Variants in AK9 observed in about 807,000 individuals in gnomAD.
AK9 encodes adenylate kinase domain containing 1.
AK9 carries 191 observed loss-of-function variants against 239.6 expected under a neutral mutation model. The observed-to-expected ratio is 0.80, with a 90% CI of 0.71 to 0.90. The LOEUF is 0.90. AK9 is among the 40% of genes least tolerant of loss of function. AK9 has a pLI of 0.00. For synonymous variants in AK9, 689 were observed against 721.0 expected, an observed-to-expected ratio of 0.96 and a Z score of 0.71; for missense variants, 1,995 against 2,214.7, an observed-to-expected ratio of 0.90 and a Z score of 1.99.
At chr6:109,549,657 A>ATG (rs1491473032) in intron 25 of AK9, 1 of 122,352 alleles carries the variant, frequency 8.2e-6, no homozygotes, top group African/African-American at 2.7e-5. Context: ...TTGAACTTAG[A>ATG]TATTTTCTTT....
At chr6:109,549,260 C>G (rs772718496) in intron 25 of AK9, among the ~76,000 whole-genome samples, 23 of 152,212 alleles carry the variant, frequency 1.5e-4, no homozygotes, top group Non-Finnish European at 2.5e-4. Context: ...TCAGCCCTCA[C>G]TCTCGAAACT....
intron 1 of AK9, among the ~76,000 whole-genome samples, chr6:109,679,681 C>G (rs1243807823): frequency 1.3e-5 from 2 of 152,106 alleles, no homozygotes; most frequent in Non-Finnish European, 2.9e-5. Context: ...CAGCAGGGGC[C>G]GACAGACACC....
At chr6:109,555,672 T>C (rs1165238764) in intron 24 of AK9, among the ~76,000 whole-genome samples, 2 of 152,232 alleles carry the variant, frequency 1.3e-5, no homozygotes, top group African/African-American at 4.8e-5. Context: ...AAGAACTTGT[T>C]TTATGAATCT....
intron 17 of AK9, among the ~76,000 whole-genome samples, chr6:109,609,494 T>A (rs992469065): frequency 6.6e-6 from 1 of 152,166 alleles, no homozygotes; most frequent in African/African-American, 2.4e-5. Flanking sequence ...AGATAGTAGG[T>A]ACTCATAATA....
At chr6:109,647,535 C>A (rs953731960) in intron 8 of AK9, among the ~76,000 whole-genome samples, 6 of 152,146 alleles carry the variant, frequency 3.9e-5, no homozygotes, top group Non-Finnish European at 7.3e-5. Flanking sequence ...ACAATAAGAG[C>A]TAACTATTCT....
At chr6:109,564,331 C>A (rs1236574516) in intron 22 of AK9, 51 bp from the exon 23 acceptor site, 6 of 1,422,016 alleles carry the variant, frequency 4.2e-6, no homozygotes, top group Non-Finnish European at 2.8e-6. Flanking sequence ...AATATCCTAT[C>A]TTTAGCCATA....
chr6:109,618,694 C>A (rs993305000), intron 13 of AK9, among the ~76,000 whole-genome samples: 1 of 152,086 alleles, frequency 6.6e-6, no homozygotes. Context: ...TAATCTTTCC[C>A]AAATAGAAAG....
At chr6:109,679,568 G>C (rs1402343897) in intron 1 of AK9, among the ~76,000 whole-genome samples, 3 of 152,168 alleles carry the variant, frequency 2.0e-5, no homozygotes, top group African/African-American at 7.2e-5. Flanking sequence ...GCTCTGAAGA[G>C]AGCAGGGGAT....
intron 19 of AK9, among the ~76,000 whole-genome samples, chr6:109,584,613 T>A (rs1311259293): frequency 8.5e-5 from 13 of 152,110 alleles, no homozygotes; most frequent in Admixed American, 8.5e-4. Context: ...TGTGGTCACA[T>A]TTTAAAAAGT....
At chr6:109,654,890 T>A (rs114740838) in intron 8 of AK9, among the ~76,000 whole-genome samples, 3,174 of 152,260 alleles carry the variant, frequency 0.021, 100 homozygotes, top group African/African-American at 0.073. Context: ...ACTTTAGTGG[T>A]CTTGGTCTAA....
At chr6:109,498,452 GAAC>G (rs1777286358) in intron 36 of AK9, among the ~76,000 whole-genome samples, 1 of 152,162 alleles carries the variant, frequency 6.6e-6, no homozygotes, top group South Asian at 2.1e-4. Flanking sequence ...ATAATAAAGG[GAAC>G]AACAATTCTA....
At chr6:109,643,371 T>A (rs767794813) in intron 9 of AK9, among the ~76,000 whole-genome samples, 2 of 152,198 alleles carry the variant, frequency 1.3e-5, no homozygotes, top group Non-Finnish European at 1.5e-5. Flanking sequence ...CTCTCTCCCT[T>A]AATTCCCATA....
At chr6:109,559,324 C>T (rs547653758) in intron 24 of AK9, among the ~76,000 whole-genome samples, 4 of 152,220 alleles carry the variant, frequency 2.6e-5, no homozygotes, top group South Asian at 2.1e-4. Context: ...CCTGCCACCT[C>T]GCCTGGCTAA....
At position 109,542,095 on chromosome 6, in the gene AK9, T is replaced by C. The variant is rs1782972675; in HGVS notation, c.3302A>G (p.Glu1101Gly). 6.2e-7 allele frequency: 1 copy of C among 1,609,084 alleles called. No individual in the cohort carries two copies. Among genetic ancestry groups the C allele is most frequent in the South Asian group, 1.1e-5 (1 of 90,584 alleles). The change falls in exon 27 of 41, where the codon GAA becomes GGA. Residue 1101 changes from glutamate (E) to glycine (G), a missense_variant. Physicochemically the swap from Glu to Gly is moderately conservative, Grantham distance 98 (BLOSUM62 -2). Transcript: ENST00000424296. The stretch of plus-strand genomic sequence containing the variant: ...CTCAGAAAGAATTACTTCAAGAATT[T>C]CAGGAGGCAAGGGCTCATTTTCCAT... ...SLMENEPLPPEILEVILSEWW... is the reference protein window; with the variant it reads ...SLMENEPLPPGILEVILSEWW...
chr6:109,682,820 C>A (rs1410960379), intron 1 of AK9, among the ~76,000 whole-genome samples: 1 of 152,116 alleles, frequency 6.6e-6, no homozygotes, highest in Non-Finnish European at 1.5e-5. Context: ...ACCAGAGGTA[C>A]AAAAAGGAGC....
intron 6 of AK9, among the ~76,000 whole-genome samples, chr6:109,661,771 G>A (rs1197331325): frequency 6.6e-6 from 1 of 152,152 alleles, no homozygotes; most frequent in African/African-American, 2.4e-5. Flanking sequence ...CATAAACCCT[G>A]GCCGAGTATG....
intron 10 of AK9, among the ~76,000 whole-genome samples, chr6:109,640,019 G>A (rs1344092631): frequency 1.3e-5 from 2 of 152,184 alleles, no homozygotes; most frequent in South Asian, 2.1e-4. Context: ...CTCTGTTTGG[G>A]TACCAATACC....
chr6:109,563,702 T>C lies in AK9; in HGVS notation c.2646A>G (p.Gln882=), dbSNP rs1438400448. ...CCCCAGTTAACTCCCATGCAGTATA[T>C]TGAAATGGTTCTGGAGAAAAAGAGA... ...KVVETMEKPF[Q]YTAWELTGED... Residue 882 remains glutamine (Q), a synonymous_variant, in exon 24 of 41, where the codon CAA becomes CAG. Coordinates refer to ENST00000424296, the MANE Select transcript of AK9 (RefSeq NM_001145128.3). The C allele has an allele frequency of 1.7e-5, 26 of 1,549,850 alleles. No individual in the cohort carries two copies. In the Admixed American group the frequency reaches 2.9e-4, roughly 18 times the overall value.
chr6:109,662,711 A>T, intron 5 of AK9, 48 bp from the exon 6 acceptor site: 1 of 976,892 alleles, frequency 1.0e-6, no homozygotes, highest in African/African-American at 1.7e-5. Flanking sequence ...TTATCAACAT[A>T]TGAGGGCATG....
Sources: gnomAD v4.1 joint callset for allele counts (sites outside exome capture counted in the v4.1 genomes callset) on GRCh38, gnomAD v4.1.1 for gene constraint, MANE v1.5 for transcripts, NCBI Gene and HGNC (gene_info 2026-07-23, HGNC 2026-07-21) for gene names.